The following TMEM131L variants were observed in gnomAD, a reference collection of about 807,000 sequenced individuals.
TMEM131L encodes the protein transmembrane protein 131-like.
In TMEM131L, 54 loss-of-function variants were observed where a neutral mutation model predicts 192.2. The ratio of observed to expected loss-of-function variants is 0.28; its 90% CI spans 0.23 to 0.35. The LOEUF (loss-of-function observed/expected upper bound fraction) is 0.35. Ranked by LOEUF, TMEM131L falls within the 10% of genes least tolerant of loss-of-function variation. TMEM131L has a pLI of 1.00. For missense variants in TMEM131L, 1,888 were observed against 1,972.9 expected, an observed-to-expected ratio of 0.96 and a Z score of 0.82; for synonymous variants, 701 against 704.9, an observed-to-expected ratio of 0.99 and a Z score of 0.09.
At chr4:153,533,424 G>GT (rs528632354) in intron 3 of TMEM131L, among the ~76,000 whole-genome samples, 139 of 152,334 alleles carry the variant, frequency 9.1e-4, no homozygotes, top group African/African-American at 3.2e-3. Context: ...CCTCACCTCA[G>GT]TTTGCCTGTA....
chr4:153,550,986 G>A (rs1046837238), intron 4 of TMEM131L, among the ~76,000 whole-genome samples: 2 of 152,200 alleles, frequency 1.3e-5, no homozygotes, highest in African/African-American at 2.4e-5. Context: ...GAAAAATTAA[G>A]GAAGGGTGAC....
At chr4:153,471,083 G>A (rs1030939654) in intron 2 of TMEM131L, among the ~76,000 whole-genome samples, 1 of 152,120 alleles carries the variant, frequency 6.6e-6, no homozygotes, top group Non-Finnish European at 1.5e-5. Context: ...CGCCTCCTGG[G>A]TTCAAGTGCT....
At chr4:153,526,801 C>T (rs1016926012) in intron 3 of TMEM131L, among the ~76,000 whole-genome samples, 10 of 151,638 alleles carry the variant, frequency 6.6e-5, no homozygotes, top group Non-Finnish European at 1.5e-5. Context: ...TAGCTCCTGT[C>T]GTGTTGTGAA....
At chr4:153,574,732 C>T (rs1052861654) in intron 7 of TMEM131L, among the ~76,000 whole-genome samples, 5 of 152,110 alleles carry the variant, frequency 3.3e-5, no homozygotes, top group Non-Finnish European at 7.3e-5. Context: ...AGATTACAGG[C>T]GTGTGCCACC....
chr4:153,550,681 T>TAAG (rs10675009), intron 4 of TMEM131L, among the ~76,000 whole-genome samples: 71,387 of 151,812 alleles, frequency 0.47, 21,008 homozygotes, highest in African/African-American at 0.84. Context: ...TGAAATTTAA[T>TAAG]AAGTCAATGT....
In TMEM131L at chr4:153,581,515, C is replaced by A; in HGVS notation, c.847C>A (p.His283Asn). 6.2e-7 allele frequency: 1 copy of A among 1,602,954 alleles called. No homozygotes were observed. Among genetic ancestry groups the A allele is most frequent in the Non-Finnish European group, 8.5e-7 (1 of 1,173,672 alleles). ...FEENTQHLLD[H>N]LSIVYVATDE... ...AGAAAACACACAACATTTGTTAGAT[C>A]ATCTCTCTATTGTTTACGTAGCTAC... The change falls in exon 9 of 35, where the codon CAT (histidine) becomes AAT (asparagine). Residue 283 changes from histidine to asparagine, a missense_variant. His to Asn is a moderately conservative substitution (Grantham distance 68). Coordinates refer to ENST00000409959, the MANE Select transcript of TMEM131L (RefSeq NM_001131007.2).
chr4:153,481,745 G>A (rs1051611305), intron 3 of TMEM131L, among the ~76,000 whole-genome samples: 3 of 151,908 alleles, frequency 2.0e-5, no homozygotes, highest in East Asian at 1.9e-4. Flanking sequence ...ACGTTGTTGC[G>A]CAGTCTTGTC....
rs756433322 is a variant in TMEM131L at position 153,602,252 on chromosome 4, G to T, written c.2367G>T (p.Gly789=). The T allele has an allele frequency of 9.9e-6, 16 of 1,613,622 alleles. No individual in the cohort carries two copies. Among genetic ancestry groups the T allele is most frequent in the East Asian group, 4.5e-5 (2 of 44,880 alleles). Residue 789 remains glycine, a synonymous_variant, in exon 22 of 35, where the codon GGG becomes GGT. Transcript: ENST00000409959. ...CTGTTTCGTCTCTGAAAATTAATGG[G>T]TATAACTGCCAAGGTTATGGATTCG... ...PITVSSLKIN[G]YNCQGYGFEV...
At chr4:153,634,420 A>G (rs1323562708) in intron 33 of TMEM131L, 140 bp downstream of exon 33, 1 of 676,074 alleles carries the variant, frequency 1.5e-6, no homozygotes, top group Non-Finnish European at 2.6e-6. Context: ...GAATGGCTTC[A>G]TGTGGATCCA....
intron 6 of TMEM131L, among the ~76,000 whole-genome samples, chr4:153,557,433 A>AGAG (rs1225338364): frequency 1.3e-5 from 2 of 152,214 alleles, no homozygotes; most frequent in Non-Finnish European, 2.9e-5. Context: ...CTCTAAGGAC[A>AGAG]GTCTCTAGTG....
chr4:153,492,173 A>C (rs1358076559), intron 3 of TMEM131L, among the ~76,000 whole-genome samples: 2 of 69,738 alleles, frequency 2.9e-5, no homozygotes, highest in African/African-American at 7.0e-5. Flanking sequence ...AGCTAATTAT[A>C]AAAAAAAAAA....
intron 3 of TMEM131L, among the ~76,000 whole-genome samples, chr4:153,518,805 C>T (rs761122002): frequency 6.6e-6 from 1 of 152,154 alleles, no homozygotes; most frequent in Non-Finnish European, 1.5e-5. Flanking sequence ...TGACTTTCAG[C>T]CCTTTCATTG....
intron 3 of TMEM131L, among the ~76,000 whole-genome samples, chr4:153,513,391 A>G (rs1160245195): frequency 2.0e-5 from 3 of 152,182 alleles, no homozygotes; most frequent in African/African-American, 7.2e-5. Context: ...GAACCAAAAG[A>G]CATTTATCAA....
intron 3 of TMEM131L, among the ~76,000 whole-genome samples, chr4:153,477,165 C>T (rs1480851024): frequency 6.6e-6 from 1 of 151,770 alleles, no homozygotes; most frequent in Non-Finnish European, 1.5e-5. Flanking sequence ...GAGAGAGCAT[C>T]TAGATTTTGG....
At chr4:153,539,174 G>T (rs994406999) in intron 3 of TMEM131L, among the ~76,000 whole-genome samples, 3 of 152,200 alleles carry the variant, frequency 2.0e-5, no homozygotes, top group Non-Finnish European at 1.5e-5. Flanking sequence ...CCCCAAAAGG[G>T]GGGGAGGCGG....
chr4:153,497,878 C>CAAAAA (rs200874155), intron 3 of TMEM131L, among the ~76,000 whole-genome samples: 395 of 69,952 alleles, frequency 5.6e-3, no homozygotes, highest in Non-Finnish European at 8.5e-3. Flanking sequence ...GAAAAATTTC[C>CAAAAA]AAAAAAAAAA....
chr4:153,513,463 G>A (rs915124383), intron 3 of TMEM131L, among the ~76,000 whole-genome samples: 2 of 152,162 alleles, frequency 1.3e-5, no homozygotes, highest in African/African-American at 4.8e-5. Flanking sequence ...AAATTTTTGA[G>A]CACTTTAGGT....
intron 3 of TMEM131L, among the ~76,000 whole-genome samples, chr4:153,533,524 A>G (rs1039248783): frequency 2.0e-5 from 3 of 152,230 alleles, no homozygotes; most frequent in African/African-American, 7.2e-5. Flanking sequence ...CAGTGGAACT[A>G]AAAGAACCAT....
intron 9 of TMEM131L, among the ~76,000 whole-genome samples, chr4:153,581,859 A>G (rs1016583766): frequency 1.3e-5 from 2 of 152,262 alleles, no homozygotes; most frequent in Non-Finnish European, 2.9e-5. Flanking sequence ...TTTACAAAGT[A>G]TTTGAAGTCT....
Sources: allele counts gnomAD v4.1 joint callset (sites outside exome capture counted in the v4.1 genomes callset), GRCh38; gene constraint gnomAD v4.1.1; transcripts MANE v1.5; gene names NCBI Gene and HGNC (gene_info 2026-07-23, HGNC 2026-07-21).